Variants in MAML3 observed in about 807,000 individuals in gnomAD.
The protein encoded by MAML3 is mastermind like transcriptional coactivator 3, also known as mastermind-like protein 3.
A neutral mutation model predicts 101.9 loss-of-function variants in MAML3; 27 were observed. That is an observed-to-expected ratio of 0.27 (90% CI 0.20 to 0.37). The LOEUF (loss-of-function observed/expected upper bound fraction) is 0.37, where lower values mean the gene tolerates loss of function less well. Among genes scored for constraint, MAML3 ranks in the 10% least tolerant of loss-of-function variants. MAML3 has a pLI of 1.00. For synonymous variants in MAML3, 501 were observed against 555.9 expected (o/e 0.90, Z 1.39); for missense variants, 1,316 against 1,444.9 (o/e 0.91, Z 1.45).
At chr4:140,004,556 A>G (rs574430591) in intron 1 of MAML3, among the ~76,000 whole-genome samples, 235 of 152,180 alleles carry the variant, frequency 1.5e-3, no homozygotes, top group African/African-American at 5.3e-3. Context: ...GGCAGGGGAG[A>G]GTAGTGAGGA....
At chr4:140,145,589 C>G (rs1729045831) in intron 1 of MAML3, among the ~76,000 whole-genome samples, 2 of 151,784 alleles carry the variant, frequency 1.3e-5, no homozygotes, top group Admixed American at 1.3e-4. Context: ...TTGTTTGAGA[C>G]AGGGTCTCAC....
In MAML3 at chr4:139,757,519, G is replaced by A. The variant is rs111419541; in HGVS notation, c.2080-26852C>T. Reference sequence around the variant, plus strand: ...ACAAAAATTAGCTGGGCGAGGTGGCGTGAGCCTGTAGTCCCAGCTACTGGG... The same window carrying A: ...ACAAAAATTAGCTGGGCGAGGTGGCATGAGCCTGTAGTCCCAGCTACTGGG... On this transcript the variant is annotated intron_variant, in intron 2 of 4. Transcript: ENST00000509479. Among the ~76,000 whole-genome samples, 327 of 152,016 alleles carry A rather than the reference G, an allele frequency of 2.2e-3. 1 individual carries two copies. The highest frequency in any genetic ancestry group is 7.5e-3 in the African/African-American group (311 of 41,454).
chr4:139,966,060 T>C (rs1560851379), intron 1 of MAML3, among the ~76,000 whole-genome samples: 1 of 152,074 alleles, frequency 6.6e-6, no homozygotes, highest in Non-Finnish European at 1.5e-5. Context: ...ACCAAGCAAA[T>C]AAAAAGCCAC....
intron 2 of MAML3, among the ~76,000 whole-genome samples, chr4:139,839,589 T>A (rs1731325748): frequency 6.6e-6 from 1 of 152,128 alleles, no homozygotes; most frequent in Admixed American, 6.5e-5. Flanking sequence ...TGTGTTTTCT[T>A]GTTCCCACCC....
chr4:139,885,807 C>T (rs1205607851), intron 2 of MAML3, among the ~76,000 whole-genome samples: 1 of 149,494 alleles, frequency 6.7e-6, no homozygotes, highest in Non-Finnish European at 1.5e-5. Context: ...CCGGCAGGCG[C>T]CTGTAGTCCC....
chr4:140,140,068 A>G (rs1728955108), intron 1 of MAML3, among the ~76,000 whole-genome samples: 1 of 152,210 alleles, frequency 6.6e-6, no homozygotes, highest in African/African-American at 2.4e-5. Context: ...TCACGCCTAT[A>G]ATCCCAGCAC....
chr4:139,813,120 T>C (rs1730833593), intron 2 of MAML3, among the ~76,000 whole-genome samples: 1 of 151,670 alleles, frequency 6.6e-6, no homozygotes, highest in Admixed American at 6.6e-5. Context: ...GTTAAAAACA[T>C]CTTTCAAAAA....
rs143472610 is a variant in MAML3, at chr4:139,895,701, C to G, written c.469-4734G>C. Reference sequence around the variant, plus strand: ...CAAAACCCTAATGTTTTCTAAGCATCTGATGTAGCTTTTTTAATATGAACA... The same window carrying G: ...CAAAACCCTAATGTTTTCTAAGCATGTGATGTAGCTTTTTTAATATGAACA... On this transcript the variant is annotated intron_variant, in intron 1 of 4. Coordinates refer to ENST00000509479, the MANE Select transcript of MAML3 (RefSeq NM_018717.5). Among the ~76,000 whole-genome samples the G allele has an allele frequency of 4.6e-3, 699 of 152,342 alleles. 8 individuals carry two copies. The highest frequency in any genetic ancestry group is 0.015 in the African/African-American group (641 of 41,586).
At chr4:140,142,209 T>C (rs556079694) in intron 1 of MAML3, among the ~76,000 whole-genome samples, 4 of 152,264 alleles carry the variant, frequency 2.6e-5, no homozygotes, top group African/African-American at 9.6e-5. Flanking sequence ...TATGATTCCA[T>C]TTATGTAGAA....
At chr4:139,950,034 G>C (rs1733806848) in intron 1 of MAML3, among the ~76,000 whole-genome samples, 1 of 152,112 alleles carries the variant, frequency 6.6e-6, no homozygotes, top group African/African-American at 2.4e-5. Flanking sequence ...TTGGACTCAA[G>C]ACTGCAATAT....
chr4:139,789,002 T>C lies in MAML3; in HGVS notation c.2080-58335A>G, dbSNP rs374762343. Among the ~76,000 whole-genome samples, 30 of 152,340 alleles carry C rather than the reference T, an allele frequency of 2.0e-4. No individual in the cohort carries two copies. In the South Asian group the frequency reaches 6.0e-3, roughly 30 times the overall value. ...AGAAGACCTTTGTTATTTGCAGCTG[T>C]ATTTAATTTTTACTGATACAGAAAG... On this transcript the variant is annotated intron_variant, in intron 2 of 4. Coordinates refer to ENST00000509479, the MANE Select transcript of MAML3 (RefSeq NM_018717.5).
chr4:139,982,479 C>T (rs999793650), intron 1 of MAML3, among the ~76,000 whole-genome samples: 2 of 152,126 alleles, frequency 1.3e-5, no homozygotes, highest in African/African-American at 4.8e-5. Context: ...CTGGGTCCCA[C>T]ATGTGTTCAT....
Position 140,153,369 on chromosome 4 carries a change from C to G in MAML3, c.-42G>C. The G allele has an allele frequency of 6.6e-7, 1 of 1,520,902 alleles. No individual in the cohort carries two copies. Among genetic ancestry groups the G allele is most frequent in the Non-Finnish European group, 8.8e-7 (1 of 1,135,482 alleles). 94.2% of individuals were successfully genotyped at this position (1,520,902 alleles called of 1,614,324 possible). ...ACTATTTTGGAAGAACTTTTTTTATCCACCCCCCTATCAGCCTCCTCCTTG... is the reference window on the plus strand; with the variant it reads ...ACTATTTTGGAAGAACTTTTTTTATGCACCCCCCTATCAGCCTCCTCCTTG... On this transcript the variant is annotated 5_prime_UTR_variant, in exon 1 of 5. Transcript: ENST00000509479.
chr4:139,928,219 C>T (rs2110728526), intron 1 of MAML3, among the ~76,000 whole-genome samples: 1 of 152,322 alleles, frequency 6.6e-6, no homozygotes, highest in East Asian at 1.9e-4. Context: ...CCTCCTTTAA[C>T]TTAGAAGATA....
At chr4:140,113,154 C>T (rs1728465983) in intron 1 of MAML3, among the ~76,000 whole-genome samples, 1 of 152,022 alleles carries the variant, frequency 6.6e-6, no homozygotes, top group African/African-American at 2.4e-5. Context: ...TGGCGGGTGC[C>T]TGTAGTCCCA....
At chr4:140,023,406 G>A (rs1404179961) in intron 1 of MAML3, among the ~76,000 whole-genome samples, 1 of 152,146 alleles carries the variant, frequency 6.6e-6, no homozygotes, top group Non-Finnish European at 1.5e-5. Flanking sequence ...GTGAGCATGT[G>A]CCCTCCTGCT....
chr4:139,766,037 A>G (rs922349241), intron 2 of MAML3, among the ~76,000 whole-genome samples: 1 of 152,158 alleles, frequency 6.6e-6, no homozygotes, highest in African/African-American at 2.4e-5. Flanking sequence ...TCGAGCACCT[A>G]TGTGCTGAAC....
At chr4:139,999,179 C>A (rs1364235702) in intron 1 of MAML3, among the ~76,000 whole-genome samples, 3 of 152,092 alleles carry the variant, frequency 2.0e-5, no homozygotes, top group African/African-American at 7.2e-5. Context: ...ATGCTTACTC[C>A]AACCACAACT....
At chr4:139,865,503 T>G (rs77718946) in intron 2 of MAML3, among the ~76,000 whole-genome samples, 1 of 149,634 alleles carries the variant, frequency 6.7e-6, no homozygotes, top group Non-Finnish European at 1.5e-5. Flanking sequence ...TTTGTTTTTT[T>G]TTTTTTTCAT....
Sources: allele counts gnomAD v4.1 joint callset (sites outside exome capture counted in the v4.1 genomes callset), GRCh38; gene constraint gnomAD v4.1.1; transcripts MANE v1.5; gene names NCBI Gene and HGNC (gene_info 2026-07-23, HGNC 2026-07-21).